Variants in MAP4K5 observed in about 807,000 individuals in gnomAD.
MAP4K5 encodes the protein MAPK/ERK kinase kinase kinase 5.
In MAP4K5, 82 loss-of-function variants were observed where a neutral mutation model predicts 135.6. The observed-to-expected ratio is 0.60, with a 90% CI of 0.51 to 0.73. MAP4K5 has a LOEUF of 0.73. Ranked by LOEUF, MAP4K5 falls within the 30% of genes least tolerant of loss-of-function variation. The probability of loss-of-function intolerance (pLI) is 0.00; values close to 1 mark genes in which losing one functional copy is unlikely to be tolerated. For synonymous variants in MAP4K5, 347 were observed against 335.0 expected (o/e 1.04, Z -0.39); for missense variants, 907 against 1,010.9 (o/e 0.90, Z 1.39).
chr14:50,549,177 C>T (rs2038671458), intron 1 of MAP4K5, among the ~76,000 whole-genome samples: 1 of 152,156 alleles, frequency 6.6e-6, no homozygotes, highest in Non-Finnish European at 1.5e-5. Context: ...GGGGACCCCA[C>T]CAATACCCAC....
At chr14:50,502,264 C>T (rs532168000) in intron 3 of MAP4K5, among the ~76,000 whole-genome samples, 1 of 152,134 alleles carries the variant, frequency 6.6e-6, no homozygotes, top group Non-Finnish European at 1.5e-5. Context: ...AAGCACTATC[C>T]TACAATGTGA....
intron 2 of MAP4K5, among the ~76,000 whole-genome samples, chr14:50,517,222 G>A (rs1429015938): frequency 3.4e-5 from 5 of 148,812 alleles, no homozygotes; most frequent in Admixed American, 6.7e-5. Flanking sequence ...CGTGATCTCC[G>A]CCCACTGCAA....
chr14:50,434,417 G>A lies in MAP4K5; in HGVS notation c.2141C>T (p.Ser714Leu), dbSNP rs1023414273. ...ACCTGCACCAATTTCTGTAAACCAT[G>A]AAGATGCAGAGTTCAAATTGATTGT... ...FETINLNSAS[S>L]WFTEIGAGSQ... Residue 714 changes from serine to leucine, a missense_variant, in exon 28 of 33, where the codon TCA becomes TTA. Transcript: ENST00000682126. 7 of 1,607,870 alleles carry A rather than the reference G, an allele frequency of 4.4e-6. No homozygotes were observed. In the African/African-American group the frequency reaches 8.0e-5, roughly 18 times the overall value.
chr14:50,477,527 G>A (rs1009159586), intron 6 of MAP4K5, among the ~76,000 whole-genome samples: 1 of 152,086 alleles, frequency 6.6e-6, no homozygotes, highest in African/African-American at 2.4e-5. Context: ...AGTAGTAAAG[G>A]CAGACTTCAT....
intron 1 of MAP4K5, among the ~76,000 whole-genome samples, chr14:50,548,640 G>A (rs2038663904): frequency 6.6e-6 from 1 of 152,082 alleles, no homozygotes. Context: ...CTCCCCAGCA[G>A]CTGGGACTAC....
intron 1 of MAP4K5, among the ~76,000 whole-genome samples, chr14:50,548,021 G>A (rs1315838835): frequency 6.6e-6 from 1 of 152,196 alleles, no homozygotes; most frequent in African/African-American, 2.4e-5. Context: ...GTCTCTTGCA[G>A]ATGTGGAGAC....
intron 3 of MAP4K5, among the ~76,000 whole-genome samples, chr14:50,499,798 T>G (rs2037670069): frequency 6.6e-6 from 1 of 152,182 alleles, no homozygotes. Context: ...AGCAGCTCAT[T>G]GTGTCTCAGG....
rs766266036 is a variant in MAP4K5 at position 50,532,066 on chromosome 14, G to A, written c.-17C>T. 7.5e-6 allele frequency: 11 copies of A among 1,473,906 alleles called. No individual in the cohort carries two copies. The highest frequency in any genetic ancestry group is 1.0e-5 in the Non-Finnish European group (11 of 1,082,440). The allele number at this position is 1,473,906 out of a possible 1,614,324, so 91.3% of individuals were successfully genotyped here. On this transcript the variant is annotated 5_prime_UTR_variant, in exon 2 of 33. Transcript: ENST00000682126. ...GGCCTCCATCTTCACTTAGGGCCCG[G>A]CCCCCGCCAGCTCACCCCGCGGCTC...
chr14:50,422,587 GAAA>G (rs1028863834), intron 32 of MAP4K5, among the ~76,000 whole-genome samples: 30 of 150,826 alleles, frequency 2.0e-4, no homozygotes, highest in Admixed American at 7.3e-4. Context: ...AAAAAAAAAA[GAAA>G]AAAAGAAGTA....
intron 14 of MAP4K5, among the ~76,000 whole-genome samples, chr14:50,455,560 G>C (rs2036580124): frequency 6.6e-6 from 1 of 151,910 alleles, no homozygotes; most frequent in Non-Finnish European, 1.5e-5. Flanking sequence ...TTATGAAAAG[G>C]CCTGATTGAA....
chr14:50,499,893 T>C (rs2037671756), intron 3 of MAP4K5, among the ~76,000 whole-genome samples: 1 of 152,180 alleles, frequency 6.6e-6, no homozygotes, highest in African/African-American at 2.4e-5. Flanking sequence ...AAATGCCAGC[T>C]TTTGCTACAA....
intron 2 of MAP4K5, among the ~76,000 whole-genome samples, chr14:50,524,782 A>T (rs1160105410): frequency 6.6e-6 from 1 of 152,058 alleles, no homozygotes; most frequent in Non-Finnish European, 1.5e-5. Flanking sequence ...GCAGGGCCTT[A>T]ACAGGAATAT....
chr14:50,547,459 A>C (rs981924619), intron 1 of MAP4K5, among the ~76,000 whole-genome samples: 1 of 152,216 alleles, frequency 6.6e-6, no homozygotes, highest in Non-Finnish European at 1.5e-5. Context: ...GTCTGAAAAT[A>C]AATCAAGGAG....
intron 1 of MAP4K5, among the ~76,000 whole-genome samples, chr14:50,543,308 A>G (rs192784946): frequency 3.3e-5 from 5 of 152,380 alleles, no homozygotes; most frequent in Admixed American, 2.0e-4. Context: ...CCCTTGACAG[A>G]TAAGTCAACC....
In MAP4K5 at chr14:50,419,414, C is replaced by A. The variant is rs2035674575; in HGVS notation, c.*605G>T. The A allele has an allele frequency of 6.6e-6, 1 of 152,546 alleles. No individual in the cohort carries two copies. Among genetic ancestry groups the A allele is most frequent in the Admixed American group, 6.5e-5 (1 of 15,274 alleles). 9.4% of individuals were successfully genotyped at this position (152,546 alleles called of 1,614,324 possible). On this transcript the variant is annotated 3_prime_UTR_variant, in exon 33 of 33. Transcript: ENST00000682126. ...TGCATGTGTGTGTTGAACCCCCAAA[C>A]ACTCAAAGTACTTTACTACTCTTAA...
intron 10 of MAP4K5, 113 bp downstream of exon 10, chr14:50,468,538 C>A (rs2036883681): frequency 5.4e-6 from 6 of 1,104,820 alleles, no homozygotes; most frequent in Non-Finnish European, 6.4e-6. Context: ...AAATCCCTTA[C>A]AATACCTTTA....
At chr14:50,454,556 G>C (rs1595458366) in intron 14 of MAP4K5, among the ~76,000 whole-genome samples, 1 of 151,882 alleles carries the variant, frequency 6.6e-6, no homozygotes, top group African/African-American at 2.4e-5. Context: ...TACAAAAGAA[G>C]TTTCACAAAA....
intron 3 of MAP4K5, among the ~76,000 whole-genome samples, chr14:50,491,906 C>T (rs1330544650): frequency 6.6e-6 from 1 of 152,010 alleles, no homozygotes; most frequent in Non-Finnish European, 1.5e-5. Flanking sequence ...AGGCTGGTCT[C>T]GAACTTCTGA....
intron 9 of MAP4K5, among the ~76,000 whole-genome samples, chr14:50,474,639 T>G (rs1472216129): frequency 6.6e-6 from 1 of 152,074 alleles, no homozygotes; most frequent in Non-Finnish European, 1.5e-5. Flanking sequence ...AATCCTAGAT[T>G]AAACTTAGGT....
Sources: allele counts gnomAD v4.1 joint callset (sites outside exome capture counted in the v4.1 genomes callset), GRCh38; gene constraint gnomAD v4.1.1; transcripts MANE v1.5; gene names NCBI Gene and HGNC (gene_info 2026-07-23, HGNC 2026-07-21).